The following KCNIP4 variants were observed in gnomAD, a reference collection of about 807,000 sequenced individuals.
KCNIP4 encodes Kv channel-interacting protein 4.
A neutral mutation model predicts 34.0 loss-of-function variants in KCNIP4; 12 were observed. That is an observed-to-expected ratio of 0.35 (90% CI 0.23 to 0.57). The LOEUF (loss-of-function observed/expected upper bound fraction) is 0.57, where lower values mean the gene tolerates loss of function less well. Among genes scored for constraint, KCNIP4 ranks in the 20% least tolerant of loss-of-function variants. The pLI is 0.83. For synonymous variants in KCNIP4, 124 were observed against 102.2 expected (o/e 1.21, Z -1.29); for missense variants, 238 against 311.7 (o/e 0.76, Z 1.78).
intron 1 of KCNIP4, among the ~76,000 whole-genome samples, chr4:21,587,914 TCCATGTATAAA>T (rs1741773485): frequency 6.6e-6 from 1 of 152,032 alleles, no homozygotes; most frequent in African/African-American, 2.4e-5. Context: ...TTTGAGCACC[TCCATGTATAAA>T]GAACTTAATA....
intron 1 of KCNIP4, among the ~76,000 whole-genome samples, chr4:21,197,491 A>AT (rs1433946396): frequency 6.6e-6 from 1 of 152,090 alleles, no homozygotes; most frequent in Non-Finnish European, 1.5e-5. Flanking sequence ...ATTTTTACAG[A>AT]TTTTTTTCAA....
intron 3 of KCNIP4, among the ~76,000 whole-genome samples, chr4:20,798,703 C>T (rs143432587): frequency 6.6e-6 from 1 of 152,276 alleles, no homozygotes; most frequent in Non-Finnish European, 1.5e-5. Context: ...CACTCCATCC[C>T]CTCAGTTGGA....
intron 1 of KCNIP4, among the ~76,000 whole-genome samples, chr4:21,302,856 T>C (rs1033494039): frequency 6.6e-6 from 1 of 152,212 alleles, no homozygotes; most frequent in Non-Finnish European, 1.5e-5. Context: ...AGGGCTGGAT[T>C]AGTTGTGGAT....
chr4:21,138,207 TTTTCTA>T (rs1751663699), intron 1 of KCNIP4, among the ~76,000 whole-genome samples: 1 of 152,132 alleles, frequency 6.6e-6, no homozygotes. Context: ...TGGAATTCTT[TTTTCTA>T]TTTCCAATTC....
intron 1 of KCNIP4, among the ~76,000 whole-genome samples, chr4:21,778,447 C>T (rs1033293261): frequency 6.6e-6 from 1 of 151,730 alleles, no homozygotes; most frequent in Non-Finnish European, 1.5e-5. Flanking sequence ...GTTACCCAGG[C>T]TGGTCTTGAA....
chr4:21,473,809 G>A (rs1730670974), intron 1 of KCNIP4, among the ~76,000 whole-genome samples: 1 of 151,818 alleles, frequency 6.6e-6, no homozygotes, highest in African/African-American at 2.4e-5. Flanking sequence ...TGACTCCTGG[G>A]TTCAAGCGAT....
At chr4:21,932,280 GA>G (rs1729614832) in intron 1 of KCNIP4, among the ~76,000 whole-genome samples, 1 of 151,996 alleles carries the variant, frequency 6.6e-6, no homozygotes, top group Admixed American at 6.6e-5. Flanking sequence ...AAAACAGAAA[GA>G]ATTTGCCACT....
At chr4:21,088,645 G>T (rs539126579) in intron 1 of KCNIP4, among the ~76,000 whole-genome samples, 2 of 152,122 alleles carry the variant, frequency 1.3e-5, no homozygotes, top group East Asian at 3.9e-4. Context: ...TCTTAAATGT[G>T]CCATGAAACA....
rs78883119 is a variant in KCNIP4, at chr4:21,338,440, T to G, written c.62-455731A>C. Among the ~76,000 whole-genome samples the G allele has an allele frequency of 5.2e-3, 776 of 150,666 alleles. 8 individuals carry two copies. The highest frequency in any genetic ancestry group is 0.018 in the African/African-American group (727 of 41,116). On this transcript the variant is annotated intron_variant, in intron 1 of 8. Transcript: ENST00000382152. The stretch of plus-strand genomic sequence containing the variant: ...TTGCTATCCTAAAGAAAATCAGGAA[T>G]CTTTTAGTAAATGATGTCTAGCCAG...
chr4:21,795,219 C>G (rs1349023590), intron 1 of KCNIP4, among the ~76,000 whole-genome samples: 1 of 152,092 alleles, frequency 6.6e-6, no homozygotes, highest in Non-Finnish European at 1.5e-5. Flanking sequence ...AAGTAGACAT[C>G]CGGGAAGCGT....
intron 1 of KCNIP4, among the ~76,000 whole-genome samples, chr4:21,118,725 C>T (rs1362864369): frequency 6.6e-6 from 1 of 152,052 alleles, no homozygotes; most frequent in African/African-American, 2.4e-5. Flanking sequence ...GCAGGTGAAC[C>T]TTCTCATATG....
intron 1 of KCNIP4, chr4:21,613,645 G>A (rs7670800): frequency 0.84 from 128,561 of 152,166 alleles, 54,742 homozygotes; most frequent in East Asian, 0.97. Flanking sequence ...TAAGACATGA[G>A]TATACACTAA....
intron 1 of KCNIP4, among the ~76,000 whole-genome samples, chr4:21,352,648 C>T (rs760962432): frequency 2.7e-4 from 41 of 152,260 alleles, no homozygotes; most frequent in Non-Finnish European, 5.3e-4. Flanking sequence ...CGGAGCCCAC[C>T]ACAGCTCAGC....
At chr4:21,867,387 A>G (rs983415707) in intron 1 of KCNIP4, among the ~76,000 whole-genome samples, 4 of 152,238 alleles carry the variant, frequency 2.6e-5, no homozygotes, top group African/African-American at 4.8e-5. Flanking sequence ...CTTTCTGCTC[A>G]TAAAGTCTTG....
At chr4:20,858,383 C>T (rs1721842334) in intron 2 of KCNIP4, among the ~76,000 whole-genome samples, 1 of 152,020 alleles carries the variant, frequency 6.6e-6, no homozygotes, top group Non-Finnish European at 1.5e-5. Flanking sequence ...GCTTAAGCCA[C>T]CCAGTCTGTG....
At chr4:21,909,511 G>A (rs535895352) in intron 1 of KCNIP4, among the ~76,000 whole-genome samples, 1 of 152,118 alleles carries the variant, frequency 6.6e-6, no homozygotes, top group East Asian at 1.9e-4. Flanking sequence ...TTATTTCATA[G>A]TCTTCTTTCT....
intron 1 of KCNIP4, among the ~76,000 whole-genome samples, chr4:21,578,265 G>A (rs1740902536): frequency 6.8e-6 from 1 of 147,618 alleles, no homozygotes; most frequent in Non-Finnish European, 1.5e-5. Context: ...CCCGGGAGGC[G>A]GACGTTGCAG....
At chr4:21,779,128 A>G (rs547871304) in intron 1 of KCNIP4, among the ~76,000 whole-genome samples, 4 of 152,298 alleles carry the variant, frequency 2.6e-5, no homozygotes, top group African/African-American at 9.6e-5. Flanking sequence ...GATGAAAAAA[A>G]AAGTATCTTG....
At chr4:21,882,722 T>C (rs1486441314) in intron 1 of KCNIP4, among the ~76,000 whole-genome samples, 1 of 151,928 alleles carries the variant, frequency 6.6e-6, no homozygotes, top group East Asian at 1.9e-4. Context: ...GAGTTTGAAC[T>C]AGTGTGGACT....
Sources: allele counts gnomAD v4.1 joint callset (sites outside exome capture counted in the v4.1 genomes callset), GRCh38; gene constraint gnomAD v4.1.1; transcripts MANE v1.5; gene names NCBI Gene and HGNC (gene_info 2026-07-23, HGNC 2026-07-21).